TENM4: variants seen among roughly 807,000 people sequenced by gnomAD.
The protein encoded by TENM4 is teneurin transmembrane protein 4, also known as teneurin-4.
Under a neutral mutation model 243.3 loss-of-function variants are expected in TENM4, and 82 were observed. The ratio of observed to expected loss-of-function variants is 0.34; its 90% confidence interval spans 0.28 to 0.40. TENM4 has a LOEUF of 0.40. Among genes scored for constraint, TENM4 ranks in the 10% least tolerant of loss-of-function variants. The probability of loss-of-function intolerance (pLI) is 1.00; values close to 1 mark genes in which losing one functional copy is unlikely to be tolerated. For synonymous variants in TENM4, 1,412 were observed against 1,456.3 expected (o/e 0.97, Z 0.69); for missense variants, 3,138 against 3,673.3 (o/e 0.85, Z 3.77).
At chr11:79,386,180 C>A (rs377487149) in intron 1 of TENM4, among the ~76,000 whole-genome samples, 23 of 152,154 alleles carry the variant, frequency 1.5e-4, no homozygotes, top group African/African-American at 5.3e-4. Context: ...GTGGTCTTTA[C>A]AATAGACGTT....
chr11:78,735,424 A>C (rs906892735), intron 20 of TENM4, among the ~76,000 whole-genome samples: 1 of 152,274 alleles, frequency 6.6e-6, no homozygotes, highest in Non-Finnish European at 1.5e-5. Context: ...AATTTTAGCC[A>C]GACTTATAAG....
intron 6 of TENM4, among the ~76,000 whole-genome samples, chr11:79,058,688 T>C (rs542754250): frequency 1.3e-5 from 2 of 151,924 alleles, no homozygotes; most frequent in Non-Finnish European, 2.9e-5. Flanking sequence ...GGCTAGAAAA[T>C]GAGGGAAGGT....
chr11:79,164,594 CTA>C (rs1862867946), intron 3 of TENM4, among the ~76,000 whole-genome samples: 1 of 125,212 alleles, frequency 8.0e-6, no homozygotes, highest in Non-Finnish European at 1.6e-5. Flanking sequence ...ATATATATAT[CTA>C]TATAGTACGG....
intron 4 of TENM4, chr11:79,096,693 G>A (rs867628825): frequency 1.3e-5 from 2 of 152,534 alleles, no homozygotes; most frequent in Non-Finnish European, 2.9e-5. Flanking sequence ...GACAAACCCA[G>A]CCAAACATAT....
intron 6 of TENM4, among the ~76,000 whole-genome samples, chr11:78,954,290 C>T (rs1050735244): frequency 3.3e-5 from 5 of 152,098 alleles, no homozygotes; most frequent in African/African-American, 1.2e-4. Context: ...CTGAGAGCAG[C>T]GAGAGATGTT....
intron 6 of TENM4, among the ~76,000 whole-genome samples, chr11:78,936,832 G>C (rs1382021896): frequency 6.6e-6 from 1 of 152,168 alleles, no homozygotes; most frequent in Non-Finnish European, 1.5e-5. Flanking sequence ...AGGTGGGTGG[G>C]GAAGGAGGAG....
At chr11:79,356,240 A>G (rs1357033112) in intron 1 of TENM4, among the ~76,000 whole-genome samples, 1 of 152,182 alleles carries the variant, frequency 6.6e-6, no homozygotes, top group Non-Finnish European at 1.5e-5. Flanking sequence ...GGTAGTGGTC[A>G]AGAGGGGAGC....
intron 1 of TENM4, among the ~76,000 whole-genome samples, chr11:79,363,694 C>T (rs543212395): frequency 2.8e-4 from 42 of 152,284 alleles, no homozygotes; most frequent in African/African-American, 9.4e-4. Flanking sequence ...AAAGATTGAG[C>T]TGGGGGACCA....
intron 6 of TENM4, among the ~76,000 whole-genome samples, chr11:79,009,270 G>T (rs1480452682): frequency 6.6e-6 from 1 of 152,086 alleles, no homozygotes; most frequent in Non-Finnish European, 1.5e-5. Flanking sequence ...GTTATCTCAG[G>T]TCCCAGCTTT....
At chr11:78,837,998 C>T (rs569832576) in intron 12 of TENM4, among the ~76,000 whole-genome samples, 1 of 152,014 alleles carries the variant, frequency 6.6e-6, no homozygotes, top group Non-Finnish European at 1.5e-5. Flanking sequence ...ATACAAAATG[C>T]CAAATTGCTT....
chr11:79,271,401 C>T (rs1228986105), intron 2 of TENM4, among the ~76,000 whole-genome samples: 1 of 152,208 alleles, frequency 6.6e-6, no homozygotes, highest in Non-Finnish European at 1.5e-5. Context: ...CATTTATTTG[C>T]ACTTTTCATA....
At chr11:78,901,450 A>C (rs1221483045) in intron 7 of TENM4, among the ~76,000 whole-genome samples, 1 of 152,170 alleles carries the variant, frequency 6.6e-6, no homozygotes, top group East Asian at 1.9e-4. Flanking sequence ...GAAAGACAGG[A>C]GACGTGAGCT....
Position 78,863,033 on chromosome 11 carries a change from T to G in TENM4, c.1184A>C (p.Asp395Ala), listed in dbSNP as rs1039461301. The change falls in exon 10 of 34, where the codon GAC becomes GCC. Residue 395 changes from aspartate to alanine, a missense_variant. Around this residue, in one of 2 missense-constraint regions of TENM4, gnomAD observed 671 missense variants for 614.1 expected, o/e 1.09. Coordinates refer to ENST00000278550, the MANE Select transcript of TENM4 (RefSeq NM_001098816.3). ...DTASSWPVPT[D>A]VSLYPSGGTG... The stretch of plus-strand genomic sequence containing the variant: ...GCCCCCTGAGGGGTATAGGGAGACG[T>G]CGGTTGGCACAGGCCAACTGCTGGC... 2 of 1,537,084 alleles carry G rather than the reference T, an allele frequency of 1.3e-6. No individual in the cohort carries two copies. Among genetic ancestry groups the G allele is most frequent in the African/African-American group, 1.4e-5 (1 of 72,940 alleles).
chr11:79,138,431 A>T (rs868836752), intron 4 of TENM4, among the ~76,000 whole-genome samples: 1 of 114,900 alleles, frequency 8.7e-6, no homozygotes, highest in African/African-American at 3.6e-5. Context: ...TATTATATAT[A>T]AATATATATT....
intron 19 of TENM4, chr11:78,749,244 G>A (rs1856123935): frequency 6.6e-6 from 1 of 152,166 alleles, no homozygotes; most frequent in Non-Finnish European, 1.5e-5. Context: ...TCAACGCGGG[G>A]AGGGATTTTT....
Position 78,658,306 on chromosome 11 carries a change from C to T in TENM4, c.8062G>A (p.Ala2688Thr), listed in dbSNP as rs1267342382. Residue 2688 changes from alanine (A) to threonine (T), a missense_variant, in exon 34 of 34, where the codon GCA (alanine) becomes ACA (threonine). By Grantham distance (58) the Ala-to-Thr change is moderately conservative (BLOSUM62 0). Coordinates refer to ENST00000278550, the MANE Select transcript of TENM4 (RefSeq NM_001098816.3). ...TGCCGGGCCAGCTCCAGGACCCGTG[C>T]CTTCTCCTCATCCAACGTTGTCCCG... ...RYGTTLDEEK[A>T]RVLELARQRA... 10 of 1,612,904 alleles carry T rather than the reference C, an allele frequency of 6.2e-6. No individual in the cohort carries two copies. The highest frequency in any genetic ancestry group is 8.5e-6 in the Non-Finnish European group (10 of 1,179,244).
At chr11:79,029,888 A>C (rs1012976255) in intron 6 of TENM4, among the ~76,000 whole-genome samples, 1 of 152,102 alleles carries the variant, frequency 6.6e-6, no homozygotes, top group Non-Finnish European at 1.5e-5. Context: ...TTATGGGGAG[A>C]AATCATATCA....
chr11:79,063,503 C>T lies in TENM4; in HGVS notation c.493+1235G>A, dbSNP rs74909256. Among the ~76,000 whole-genome samples, 1,374 of 152,296 alleles carry T rather than the reference C, an allele frequency of 9.0e-3. 30 individuals are homozygous for T. The highest frequency in any genetic ancestry group is 0.031 in the African/African-American group (1,309 of 41,568). On this transcript the variant is annotated intron_variant, in intron 6 of 33. Transcript: ENST00000278550. ...TCCTCTTCACTGGGCTTCCCAGAAA[C>T]AGCCCTCCAGGTGCTGGGGCTGTTC... is the stretch of plus-strand genomic sequence containing the variant.
chr11:78,721,351 C>T (rs1186085178), intron 24 of TENM4, among the ~76,000 whole-genome samples: 3 of 152,196 alleles, frequency 2.0e-5, no homozygotes, highest in African/African-American at 7.2e-5. Context: ...TGTGTGGGGC[C>T]AATACTAACT....
Sources: gnomAD v4.1 joint callset for allele counts (sites outside exome capture counted in the v4.1 genomes callset) on GRCh38, gnomAD v4.1.1 for gene constraint, gnomAD v4.1.1 regional missense constraint, MANE v1.5 for transcripts, NCBI Gene and HGNC (gene_info 2026-07-23, HGNC 2026-07-21) for gene names.